PPM1B: variants seen among roughly 807,000 people sequenced by gnomAD.
The protein encoded by PPM1B is protein phosphatase, Mg2+/Mn2+ dependent 1B.
PPM1B carries 22 observed loss-of-function variants against 43.0 expected under a neutral mutation model. The observed-to-expected ratio is 0.51, with a 90% confidence interval of 0.37 to 0.73. The LOEUF is 0.73. Ranked by LOEUF, PPM1B falls within the 30% of genes least tolerant of loss-of-function variation. PPM1B has a pLI of 0.00. For synonymous variants in PPM1B, 217 were observed against 197.9 expected (o/e 1.10, Z -0.81); for missense variants, 632 against 584.2 (o/e 1.08, Z -0.84).
intron 1 of PPM1B, among the ~76,000 whole-genome samples, chr2:44,172,461 T>G (rs1026244752): frequency 6.6e-6 from 1 of 152,238 alleles, no homozygotes; most frequent in African/African-American, 2.4e-5. Context: ...CAGCTTCTAG[T>G]GGCTGATCTA....
chr2:44,208,817 C>T (rs1055799643), intron 2 of PPM1B, among the ~76,000 whole-genome samples: 1 of 152,148 alleles, frequency 6.6e-6, no homozygotes, highest in African/African-American at 2.4e-5. Context: ...TGCTCTGAGG[C>T]AGTTTAAAAG....
At chr2:44,205,223 TC>T (rs575354832) in intron 2 of PPM1B, among the ~76,000 whole-genome samples, 61 of 152,306 alleles carry the variant, frequency 4.0e-4, no homozygotes, top group African/African-American at 1.4e-3. Flanking sequence ...TTAAAAGATA[TC>T]CATAAGTCAT....
At chr2:44,225,592 A>T (rs1670171629) in intron 5 of PPM1B, among the ~76,000 whole-genome samples, 1 of 152,182 alleles carries the variant, frequency 6.6e-6, no homozygotes, top group Non-Finnish European at 1.5e-5. Flanking sequence ...TGATTCTGTA[A>T]TGTCAGCCAT....
At position 44,201,724 on chromosome 2, in the gene PPM1B, G is replaced by A; in HGVS notation, c.525G>A (p.Arg175=). The change falls in exon 2 of 6, where the codon AGG becomes AGA. Residue 175 remains arginine (R), a synonymous_variant. Transcript: ENST00000282412. This position sits in a 1 kb window ranked among gnomAD's most constrained non-coding sequence, Gnocchi z 5.4. ...STQDHKPCNP[R]EKERIQNAGG... is the part of the protein sequence containing the mutation. ...AGGATCACAAACCTTGCAATCCAAG[G>A]GAAAAGGAGCGAATCCAAAATGCAG... 6.2e-7 allele frequency: 1 copy of A among 1,614,132 alleles called. No individual in the cohort carries two copies. Among genetic ancestry groups the A allele is most frequent in the Non-Finnish European group, 8.5e-7 (1 of 1,180,012 alleles).
In PPM1B at chr2:44,239,942, TTACTA is replaced by T. The variant is rs1670710972; in HGVS notation, n.1547-4283_1547-4279del. On this transcript the variant is annotated intron_variant and non_coding_transcript_variant, in intron 5 of 5. Coordinates refer to the PPM1B transcript ENST00000378540. ...CTGTGGAAATATCACATCATTTAGA[TTACTA>T]TAGCCTCTTAAGTGCTGACATCTAG... 1.3e-5 allele frequency among the ~76,000 whole-genome samples: 2 copies of T among 151,548 alleles called. 1 individual carries two copies. Among genetic ancestry groups the T allele is most frequent in the South Asian group, 4.2e-4 (2 of 4,800 alleles).
chr2:44,235,853 C>G (rs1219242832), downstream of PPM1B, among the ~76,000 whole-genome samples: 1 of 152,000 alleles, frequency 6.6e-6, no homozygotes, highest in Non-Finnish European at 1.5e-5. Context: ...GAGCTATGAT[C>G]CAGCCACTGC....
chr2:44,176,182 G>A (rs1432067738), intron 1 of PPM1B, among the ~76,000 whole-genome samples: 2 of 152,158 alleles, frequency 1.3e-5, no homozygotes, highest in Non-Finnish European at 2.9e-5. Context: ...TCCATTTACT[G>A]TACATCCTTG....
chr2:44,192,829 A>C (rs1184834060), intron 1 of PPM1B, among the ~76,000 whole-genome samples: 1 of 152,204 alleles, frequency 6.6e-6, no homozygotes, highest in Non-Finnish European at 1.5e-5. Flanking sequence ...TTGTCTTTCT[A>C]TTCCTGGCTT....
intron 1 of PPM1B, among the ~76,000 whole-genome samples, chr2:44,180,360 C>G (rs1667816929): frequency 6.6e-6 from 1 of 152,082 alleles, no homozygotes; most frequent in South Asian, 2.1e-4. Context: ...GGAAACAAAC[C>G]AAGTAATATA....
chr2:44,218,140 TAAA>T (rs1203706096), intron 4 of PPM1B, 62 bp downstream of exon 4: 1 of 1,207,568 alleles, frequency 8.3e-7, no homozygotes, highest in Non-Finnish European at 1.2e-6. Context: ...TAATTTGGGG[TAAA>T]AAAACTTAAA....
intron 3 of PPM1B, among the ~76,000 whole-genome samples, chr2:44,212,854 C>CA (rs2104195958): frequency 6.6e-6 from 1 of 151,908 alleles, no homozygotes; most frequent in South Asian, 2.1e-4. Flanking sequence ...ACTAAAAATA[C>CA]AAAAAGAAAT....
Position 44,230,723 on chromosome 2 carries a change from C to T in PPM1B, c.*5C>T, listed in dbSNP as rs764393094. ...ATGAGTGGTGAAAAAATATGACTTT[C>T]CTTTTTGGTAATATTTTTGTGATCT... On this transcript the variant is annotated 3_prime_UTR_variant, in exon 6 of 6. Transcript: ENST00000282412. The T allele has an allele frequency of 3.1e-6, 5 of 1,600,038 alleles. No individual in the cohort carries two copies. In the South Asian group the frequency reaches 4.5e-5, roughly 14 times the overall value.
intron 1 of PPM1B, among the ~76,000 whole-genome samples, chr2:44,199,257 CAA>C (rs532178447): frequency 1.2e-4 from 4 of 33,940 alleles, no homozygotes; most frequent in Admixed American, 3.8e-4. Context: ...GATTCCATCT[CAA>C]AAAAAAAAAA....
chr2:44,245,062 A>C (rs1670831315), downstream of PPM1B, among the ~76,000 whole-genome samples: 1 of 152,076 alleles, frequency 6.6e-6, no homozygotes, highest in African/African-American at 2.4e-5. Flanking sequence ...CTTTAACACT[A>C]GAAAAAATAT....
rs78509935 is a variant in PPM1B, at chr2:44,201,451, C to A, written c.252C>A (p.Asp84Glu). The A allele has an allele frequency of 6.2e-7, 1 of 1,614,156 alleles. No individual in the cohort carries two copies. Among genetic ancestry groups the A allele is most frequent in the Non-Finnish European group, 8.5e-7 (1 of 1,180,026 alleles). ...HLLEHITTNE[D>E]FRAAGKSGSA... ...TAGAACACATCACTACTAACGAAGA[C>A]TTTAGGGCAGCTGGAAAATCAGGAT... The change falls in exon 2 of 6, where the codon GAC becomes GAA. Residue 84 changes from aspartate (D) to glutamate (E), a missense_variant. By Grantham distance (45) the Asp-to-Glu change is conservative (BLOSUM62 2). Around this residue, in one of 3 missense-constraint regions of PPM1B, gnomAD observed 200 missense variants for 200.7 expected, o/e 1.00. Coordinates refer to ENST00000282412, the MANE Select transcript of PPM1B (RefSeq NM_002706.6). The surrounding 1 kb of genome is among the most constrained non-coding windows in gnomAD (Gnocchi z 5.4).
chr2:44,234,081 G>A, downstream of PPM1B: 2 of 967,372 alleles, frequency 2.1e-6, no homozygotes, highest in Non-Finnish European at 2.5e-6. Context: ...TTACTATTTG[G>A]TATGATTCAG....
At chr2:44,175,670 CTT>C (rs1210725697) in intron 1 of PPM1B, among the ~76,000 whole-genome samples, 1 of 151,894 alleles carries the variant, frequency 6.6e-6, no homozygotes, top group African/African-American at 2.4e-5. Flanking sequence ...GTGATTAGAG[CTT>C]TACTATTTTT....
At chr2:44,209,613 T>C (rs552272854) in intron 3 of PPM1B, among the ~76,000 whole-genome samples, 1 of 152,092 alleles carries the variant, frequency 6.6e-6, no homozygotes, top group South Asian at 2.1e-4. Context: ...CCGTCTCTGC[T>C]AAAAATACAG....
intron 1 of PPM1B, among the ~76,000 whole-genome samples, chr2:44,196,803 C>T (rs893196113): frequency 2.6e-5 from 4 of 152,144 alleles, no homozygotes; most frequent in African/African-American, 9.7e-5. Context: ...CTGTCATAGA[C>T]CAAGAGTGGT....
Sources: gnomAD v4.1 joint callset for allele counts (sites outside exome capture counted in the v4.1 genomes callset) on GRCh38, gnomAD v4.1.1 for gene constraint, gnomAD v4.1.1 regional missense constraint, Gnocchi (gnomAD v3.1) non-coding constraint, MANE v1.5 for transcripts, NCBI Gene and HGNC (gene_info 2026-07-23, HGNC 2026-07-21) for gene names.